Variants in ELMO1 observed in about 807,000 individuals in gnomAD.
ELMO1 encodes the protein engulfment and cell motility 1.
A neutral mutation model predicts 98.9 loss-of-function variants in ELMO1; 26 were observed. That is an observed-to-expected ratio of 0.26 (90% CI 0.19 to 0.36). The LOEUF (loss-of-function observed/expected upper bound fraction) is 0.36. ELMO1 is among the 10% of genes least tolerant of loss of function. ELMO1 has a pLI of 1.00. For synonymous variants in ELMO1, 346 were observed against 346.0 expected, an observed-to-expected ratio of 1.00 and a Z score of 0.00; for missense variants, 627 against 935.2, an observed-to-expected ratio of 0.67 and a Z score of 4.30.
intron 1 of ELMO1, among the ~76,000 whole-genome samples, chr7:37,362,418 T>C (rs1364725345): frequency 2.6e-5 from 4 of 152,184 alleles, no homozygotes; most frequent in South Asian, 4.1e-4. Context: ...AAGCCTGTGA[T>C]AAGCCACTAG....
chr7:36,958,004 T>G (rs1313817406), intron 16 of ELMO1, among the ~76,000 whole-genome samples: 2 of 152,116 alleles, frequency 1.3e-5, no homozygotes, highest in African/African-American at 4.8e-5. Flanking sequence ...TGTAAATTAT[T>G]TTACCACCCA....
intron 11 of ELMO1, among the ~76,000 whole-genome samples, chr7:37,213,665 C>A (rs1464214053): frequency 1.3e-5 from 2 of 152,060 alleles, no homozygotes; most frequent in Non-Finnish European, 2.9e-5. Context: ...CATGAAAAAA[C>A]CTACTGTGGG....
intron 1 of ELMO1, among the ~76,000 whole-genome samples, chr7:37,346,312 T>C (rs909794298): frequency 2.6e-5 from 4 of 152,250 alleles, no homozygotes; most frequent in African/African-American, 9.6e-5. Context: ...TGGCAAACTA[T>C]ACGAAAAGCC....
chr7:37,355,463 G>A (rs964407683), intron 1 of ELMO1, among the ~76,000 whole-genome samples: 17 of 152,150 alleles, frequency 1.1e-4, no homozygotes, highest in Admixed American at 9.8e-4. Context: ...CATCATAACC[G>A]AATTGGACAA....
chr7:37,097,227 C>T (rs1409381820), intron 14 of ELMO1, among the ~76,000 whole-genome samples: 1 of 152,172 alleles, frequency 6.6e-6, no homozygotes, highest in Non-Finnish European at 1.5e-5. Flanking sequence ...CAGTCCTTCC[C>T]TGAGACTTCA....
intron 1 of ELMO1, among the ~76,000 whole-genome samples, chr7:37,442,063 T>C (rs1805434835): frequency 6.6e-6 from 1 of 152,126 alleles, no homozygotes; most frequent in African/African-American, 2.4e-5. Flanking sequence ...GGAAAATTGA[T>C]AGGACAATCT....
chr7:36,929,767 A>G (rs555399228), intron 16 of ELMO1, among the ~76,000 whole-genome samples: 1 of 152,318 alleles, frequency 6.6e-6, no homozygotes, highest in South Asian at 2.1e-4. Context: ...TGATGGTCAA[A>G]TCTATTGTAC....
At chr7:37,372,131 TAA>T (rs200229069) in intron 1 of ELMO1, among the ~76,000 whole-genome samples, 1 of 146,710 alleles carries the variant, frequency 6.8e-6, no homozygotes, top group African/African-American at 2.5e-5. Flanking sequence ...CAGTTTCAGT[TAA>T]AAAAAAAAAG....
intron 15 of ELMO1, among the ~76,000 whole-genome samples, chr7:37,038,018 A>C (rs1415912840): frequency 6.6e-6 from 1 of 152,140 alleles, no homozygotes. Context: ...GAGTGGATGC[A>C]CCTGCCTTGC....
intron 15 of ELMO1, among the ~76,000 whole-genome samples, chr7:37,090,106 T>G (rs1161532141): frequency 6.6e-6 from 1 of 152,208 alleles, no homozygotes; most frequent in Non-Finnish European, 1.5e-5. Flanking sequence ...ATCATCTTGC[T>G]ACCAGACACA....
At chr7:36,985,171 A>T (rs1380713753) in intron 16 of ELMO1, 1 of 929,972 alleles carries the variant, frequency 1.1e-6, no homozygotes, top group African/African-American at 1.8e-5. Flanking sequence ...GCAATAGCTC[A>T]GAGCATCCCT....
At chr7:37,007,688 T>G (rs182346264) in intron 16 of ELMO1, among the ~76,000 whole-genome samples, 1 of 152,320 alleles carries the variant, frequency 6.6e-6, no homozygotes, top group African/African-American at 2.4e-5. Context: ...ACATTTCCCT[T>G]TTTTATTCAT....
chr7:37,419,246 G>C (rs896218897), intron 1 of ELMO1, among the ~76,000 whole-genome samples: 2 of 152,192 alleles, frequency 1.3e-5, no homozygotes, highest in Non-Finnish European at 2.9e-5. Context: ...AATCTAAATA[G>C]AAGGCTATGA....
At chr7:37,288,284 G>A (rs1226398353) in intron 4 of ELMO1, among the ~76,000 whole-genome samples, 1 of 151,984 alleles carries the variant, frequency 6.6e-6, no homozygotes, top group Non-Finnish European at 1.5e-5. Context: ...GAGTGCAATG[G>A]CACGATCTCG....
chr7:37,318,059 T>C (rs1343468670), intron 2 of ELMO1, among the ~76,000 whole-genome samples: 1 of 152,222 alleles, frequency 6.6e-6, no homozygotes, highest in Non-Finnish European at 1.5e-5. Flanking sequence ...CCTTATATCC[T>C]GAATCTGTCC....
At chr7:37,430,300 G>A (rs1804879033) in intron 1 of ELMO1, among the ~76,000 whole-genome samples, 1 of 152,148 alleles carries the variant, frequency 6.6e-6, no homozygotes, top group South Asian at 2.1e-4. Flanking sequence ...TTACAGCTGT[G>A]CCCACTGCGA....
At chr7:37,058,231 TG>T (rs1796490056) in intron 15 of ELMO1, among the ~76,000 whole-genome samples, 1 of 152,166 alleles carries the variant, frequency 6.6e-6, no homozygotes, top group Admixed American at 6.5e-5. Context: ...TTTGATTCTG[TG>T]GGCTGGTTTC....
At chr7:37,282,761 AG>A (rs978682492) in intron 4 of ELMO1, among the ~76,000 whole-genome samples, 2 of 152,230 alleles carry the variant, frequency 1.3e-5, no homozygotes, top group African/African-American at 2.4e-5. Flanking sequence ...CAGAAACAGC[AG>A]CCCCGCCACC....
rs190354113 is a variant in ELMO1 at position 37,442,235 on chromosome 7, C to G, written c.-74+6440G>C. ...TCAATAGCACTGAGGCTGACACTGC[C>G]TGAAATAATGGGTCAGTAAAATGGC... On this transcript the variant is annotated intron_variant, in intron 1 of 21. Coordinates refer to ENST00000310758, the MANE Select transcript of ELMO1 (RefSeq NM_014800.11). Among the ~76,000 whole-genome samples, 25 of 152,204 alleles carry G rather than the reference C, an allele frequency of 1.6e-4. No individual in the cohort carries two copies. The East Asian group carries it at 3.9e-3, about 24-fold the overall frequency.
Sources: gnomAD v4.1 joint callset for allele counts (sites outside exome capture counted in the v4.1 genomes callset) on GRCh38, gnomAD v4.1.1 for gene constraint, MANE v1.5 for transcripts, NCBI Gene and HGNC (gene_info 2026-07-23, HGNC 2026-07-21) for gene names.